ROBO2: variants seen among roughly 807,000 people sequenced by gnomAD.
ROBO2 encodes the protein roundabout homolog 2.
Under a neutral mutation model 160.8 loss-of-function variants are expected in ROBO2, and 53 were observed. That is an observed-to-expected ratio of 0.33 (90% CI 0.26 to 0.41). ROBO2 has a LOEUF of 0.41. Among genes scored for constraint, ROBO2 ranks in the 10% least tolerant of loss-of-function variants. The probability of loss-of-function intolerance (pLI) is 1.00; values close to 1 mark genes in which losing one functional copy is unlikely to be tolerated. For missense variants in ROBO2, 1,577 were observed against 1,722.4 expected, an observed-to-expected ratio of 0.92 and a Z score of 1.49; for synonymous variants, 664 against 611.7, an observed-to-expected ratio of 1.09 and a Z score of -1.26.
intron 2 of ROBO2, among the ~76,000 whole-genome samples, chr3:77,003,023 A>G (rs1199948595): frequency 6.6e-6 from 1 of 152,180 alleles, no homozygotes; most frequent in Non-Finnish European, 1.5e-5. Flanking sequence ...GGAGAAAGCA[A>G]GCTATCTCTT....
intron 6 of ROBO2, among the ~76,000 whole-genome samples, chr3:77,543,259 G>A (rs2092557652): frequency 6.6e-6 from 1 of 151,814 alleles, no homozygotes; most frequent in African/African-American, 2.4e-5. Flanking sequence ...ACATTTTGCT[G>A]TTTTTGTGTA....
chr3:76,561,560 A>G (rs944837899), intron 2 of ROBO2, among the ~76,000 whole-genome samples: 2 of 152,156 alleles, frequency 1.3e-5, no homozygotes, highest in African/African-American at 4.8e-5. Context: ...ATATTTAAAG[A>G]AATATATCTG....
At chr3:76,575,098 T>A (rs2085205200) in intron 2 of ROBO2, among the ~76,000 whole-genome samples, 1 of 152,048 alleles carries the variant, frequency 6.6e-6, no homozygotes, top group Admixed American at 6.6e-5. Context: ...TCCAAAAAAA[T>A]TAACTATTTT....
intron 2 of ROBO2, among the ~76,000 whole-genome samples, chr3:76,787,328 C>CCA (rs60806662): frequency 0.072 from 10,204 of 142,146 alleles, 556 homozygotes; most frequent in African/African-American, 0.15. Context: ...TGTAAACACA[C>CCA]CACACACACA....
chr3:76,658,801 C>T (rs2091692902), intron 2 of ROBO2, among the ~76,000 whole-genome samples: 1 of 152,086 alleles, frequency 6.6e-6, no homozygotes, highest in African/African-American at 2.4e-5. Flanking sequence ...GCCTTTTTAA[C>T]TTAATAGTGT....
intron 2 of ROBO2, among the ~76,000 whole-genome samples, chr3:77,028,668 A>G (rs561859865): frequency 3.8e-4 from 58 of 152,256 alleles, no homozygotes; most frequent in African/African-American, 1.3e-3. Flanking sequence ...GCAGTGAGCC[A>G]AGATCGCGTC....
intron 2 of ROBO2, among the ~76,000 whole-genome samples, chr3:76,634,722 A>G (rs1289599771): frequency 6.6e-6 from 1 of 152,220 alleles, no homozygotes; most frequent in Non-Finnish European, 1.5e-5. Flanking sequence ...AGAAATTGCA[A>G]GGCACACACT....
intron 2 of ROBO2, among the ~76,000 whole-genome samples, chr3:76,296,238 T>G (rs1285476569): frequency 1.3e-5 from 2 of 152,026 alleles, no homozygotes; most frequent in Admixed American, 6.6e-5. Flanking sequence ...TAGAAAGGAT[T>G]CCCTCCTAAA....
At chr3:77,267,130 A>T (rs756922734) in intron 2 of ROBO2, among the ~76,000 whole-genome samples, 1 of 152,204 alleles carries the variant, frequency 6.6e-6, no homozygotes, top group African/African-American at 2.4e-5. Flanking sequence ...GGATTATTCA[A>T]TGATGTTAAC....
intron 2 of ROBO2, among the ~76,000 whole-genome samples, chr3:76,071,218 A>G (rs1485366980): frequency 6.6e-5 from 10 of 152,178 alleles, no homozygotes. Context: ...TTAATCATAA[A>G]TGCTTTCTTG....
At chr3:76,037,477 G>A (rs1354375350) in intron 2 of ROBO2, among the ~76,000 whole-genome samples, 1 of 151,640 alleles carries the variant, frequency 6.6e-6, no homozygotes, top group African/African-American at 2.4e-5. Context: ...GGCTGGTCTC[G>A]AACTCCTGAC....
At chr3:77,553,993 G>A (rs1415926951) in intron 8 of ROBO2, among the ~76,000 whole-genome samples, 2 of 151,908 alleles carry the variant, frequency 1.3e-5, no homozygotes, top group African/African-American at 4.8e-5. Flanking sequence ...ATGTTACCTA[G>A]GACTTTGATG....
chr3:76,765,391 G>A (rs1306726103), intron 2 of ROBO2, among the ~76,000 whole-genome samples: 1 of 151,602 alleles, frequency 6.6e-6, no homozygotes, highest in Non-Finnish European at 1.5e-5. Context: ...GAGTGTGGTG[G>A]TTTTTGAAAA....
intron 2 of ROBO2, among the ~76,000 whole-genome samples, chr3:76,537,199 T>A (rs1368160115): frequency 1.3e-5 from 2 of 151,768 alleles, no homozygotes; most frequent in East Asian, 3.9e-4. Flanking sequence ...AGATTTGGGA[T>A]GAGTCGCATT....
At position 76,894,233 on chromosome 3, in the gene ROBO2, A is replaced by G. The variant is rs183721565; in HGVS notation, c.110-203781A>G. On this transcript the variant is annotated intron_variant, in intron 2 of 26. Coordinates refer to the ROBO2 transcript ENST00000487694. Reference sequence around the variant, plus strand: ...ATTTTGGATTCCATTAGGTGTTTGCATATGATTTTGTGTATATTTTGGTGT... The same window carrying G: ...ATTTTGGATTCCATTAGGTGTTTGCGTATGATTTTGTGTATATTTTGGTGT... Among the ~76,000 whole-genome samples the G allele has an allele frequency of 2.0e-3, 310 of 152,206 alleles. 1 individual carries two copies. The highest frequency in any genetic ancestry group is 7.1e-3 in the African/African-American group (295 of 41,562).
At chr3:76,174,229 ATTTG>A (rs1256724293) in intron 2 of ROBO2, among the ~76,000 whole-genome samples, 1 of 151,930 alleles carries the variant, frequency 6.6e-6, no homozygotes, top group African/African-American at 2.4e-5. Context: ...TTTCTTGTAA[ATTTG>A]TTTAAGTTTT....
intron 2 of ROBO2, among the ~76,000 whole-genome samples, chr3:76,736,882 C>T (rs1560470413): frequency 6.6e-6 from 1 of 152,136 alleles, no homozygotes; most frequent in Non-Finnish European, 1.5e-5. Context: ...AAGTACCTTT[C>T]TATATTGTCG....
intron 2 of ROBO2, among the ~76,000 whole-genome samples, chr3:76,653,661 A>G (rs1444691129): frequency 6.6e-6 from 1 of 152,150 alleles, no homozygotes; most frequent in Non-Finnish European, 1.5e-5. Flanking sequence ...GTTCACACAG[A>G]TATGCTAATA....
At chr3:77,066,690 G>A (rs1201561080) in intron 1 of ROBO2, among the ~76,000 whole-genome samples, 12 of 152,070 alleles carry the variant, frequency 7.9e-5, no homozygotes, top group Admixed American at 7.9e-4. Context: ...CTTAGGGGGA[G>A]TGATTGCTTT....
Sources: gnomAD v4.1 joint callset for allele counts (sites outside exome capture counted in the v4.1 genomes callset) on GRCh38, gnomAD v4.1.1 for gene constraint, MANE v1.5 for transcripts, NCBI Gene and HGNC (gene_info 2026-07-23, HGNC 2026-07-21) for gene names.